The following ABI3BP variants were observed in gnomAD, a reference collection of about 807,000 sequenced individuals.
ABI3BP encodes ABI family member 3 binding protein, also known as target of Nesh-SH3.
In ABI3BP, 216 loss-of-function variants were observed where a neutral mutation model predicts 268.6. The ratio of observed to expected loss-of-function variants is 0.80; its 90% CI spans 0.72 to 0.90. ABI3BP has a LOEUF of 0.90. ABI3BP is among the 40% of genes least tolerant of loss of function. The pLI is 0.00. For missense variants in ABI3BP, 2,090 were observed against 2,182.4 expected (o/e 0.96, Z 0.84); for synonymous variants, 730 against 730.0 (o/e 1.00, Z 0.00).
intron 55 of ABI3BP, among the ~76,000 whole-genome samples, chr3:100,791,506 A>G (rs1407539435): frequency 2.0e-5 from 3 of 151,922 alleles, no homozygotes; most frequent in African/African-American, 4.8e-5. Context: ...GAAATTAAAG[A>G]GATTTGCAAA....
Position 100,750,582 on chromosome 3 carries a change from A to G in ABI3BP, c.5274T>C (p.Pro1758=). The change falls in exon 68 of 68, where the codon CCT becomes CCC. Residue 1758 remains proline (P), a synonymous_variant. Transcript: ENST00000471714. ...GACCACCTATTTCTCCAAATTGGAC[A>G]GGTTCCTGGCGAACTGCTCTGAAAT... ...EGYFRAVRQE[P]VQFGEIGGHT... is the part of the protein sequence containing the mutation. 2 of 1,613,072 alleles carry G rather than the reference A, an allele frequency of 1.2e-6. No homozygotes were observed. Among genetic ancestry groups the G allele is most frequent in the East Asian group, 2.2e-5 (1 of 44,844 alleles).
chr3:100,896,418 G>A (rs1380358389), intron 4 of ABI3BP, among the ~76,000 whole-genome samples: 2 of 152,176 alleles, frequency 1.3e-5, no homozygotes, highest in East Asian at 1.9e-4. Context: ...TTTTACAGAA[G>A]TGTCAGTAGG....
At chr3:100,968,266 G>A (rs2082124285) in intron 1 of ABI3BP, among the ~76,000 whole-genome samples, 2 of 151,960 alleles carry the variant, frequency 1.3e-5, no homozygotes, top group Admixed American at 1.3e-4. Context: ...TTTCCTAAGG[G>A]GAATAAAATG....
chr3:100,936,868 T>G (rs970073504), intron 1 of ABI3BP, among the ~76,000 whole-genome samples: 5 of 152,204 alleles, frequency 3.3e-5, no homozygotes, highest in Non-Finnish European at 5.9e-5. Context: ...TCTTCTCTCT[T>G]TTCATCTTTA....
intron 1 of ABI3BP, among the ~76,000 whole-genome samples, chr3:100,950,372 G>A (rs989190164): frequency 6.6e-6 from 1 of 152,212 alleles, no homozygotes; most frequent in Admixed American, 6.5e-5. Context: ...ACTGGAGGAT[G>A]TAGACTTGTA....
intron 1 of ABI3BP, among the ~76,000 whole-genome samples, chr3:100,963,267 A>G (rs1055647955): frequency 1.3e-5 from 2 of 152,204 alleles, no homozygotes; most frequent in African/African-American, 4.8e-5. Flanking sequence ...AGGCAAAGTT[A>G]TGATTCACAT....
intron 54 of ABI3BP, among the ~76,000 whole-genome samples, chr3:100,794,122 A>G (rs1293180204): frequency 1.3e-5 from 2 of 152,006 alleles, no homozygotes; most frequent in African/African-American, 4.8e-5. Flanking sequence ...CCCAGTGTAA[A>G]TGACCCTAAT....
intron 2 of ABI3BP, among the ~76,000 whole-genome samples, chr3:100,912,543 C>G (rs1179585020): frequency 6.6e-6 from 1 of 151,940 alleles, no homozygotes; most frequent in Non-Finnish European, 1.5e-5. Flanking sequence ...AAATCACCCA[C>G]AGAATTAAAA....
At chr3:100,802,765 G>T (rs551835860) in intron 51 of ABI3BP, among the ~76,000 whole-genome samples, 5 of 152,194 alleles carry the variant, frequency 3.3e-5, no homozygotes, top group African/African-American at 1.2e-4. Context: ...ACTCTGTCCT[G>T]ACCTCAGCAC....
chr3:100,839,441 A>G, intron 24 of ABI3BP, 128 bp downstream of exon 24: 1 of 994,558 alleles, frequency 1.0e-6, no homozygotes, highest in Non-Finnish European at 1.5e-6. Flanking sequence ...CCAGACAGGA[A>G]AGGTGAGGAA....
chr3:100,867,098 T>C (rs902102218), intron 9 of ABI3BP, 142 bp from the exon 10 acceptor site: 2 of 622,884 alleles, frequency 3.2e-6, no homozygotes, highest in African/African-American at 1.9e-5. Flanking sequence ...TGTGTATCTC[T>C]AGCAGGAACT....
At chr3:100,779,631 C>G (rs557893002) in intron 58 of ABI3BP, among the ~76,000 whole-genome samples, 1 of 151,656 alleles carries the variant, frequency 6.6e-6, no homozygotes, top group South Asian at 2.1e-4. Context: ...CTCTCTCTCT[C>G]TATGTGTTCA....
chr3:100,837,891 T>A (rs1378776313), intron 26 of ABI3BP, among the ~76,000 whole-genome samples: 2 of 152,170 alleles, frequency 1.3e-5, no homozygotes, highest in Non-Finnish European at 2.9e-5. Context: ...GTACTAACAG[T>A]GGTTACTAAA....
intron 63 of ABI3BP, among the ~76,000 whole-genome samples, chr3:100,757,376 C>G (rs752679455): frequency 1.3e-5 from 2 of 152,054 alleles, no homozygotes; most frequent in African/African-American, 2.4e-5. Flanking sequence ...GTGATAAAGA[C>G]AAGTCCTCAA....
intron 56 of ABI3BP, 109 bp downstream of exon 56, chr3:100,789,345 A>C (rs35476532): frequency 5.1e-6 from 5 of 979,456 alleles, no homozygotes; most frequent in Non-Finnish European, 7.7e-6. Context: ...GTCTCTGTAC[A>C]TCTCTTATTG....
chr3:100,763,313 A>T lies in ABI3BP; in HGVS notation c.4850+2528T>A, dbSNP rs567898297. 4.1e-4 allele frequency among the ~76,000 whole-genome samples: 63 copies of T among 152,080 alleles called. No individual in the cohort carries two copies. In the Middle Eastern group the frequency reaches 0.01, roughly 25 times the overall value. ...CCATCTCTACTAAAAATACAAAAAA[A>T]GTAGCCGGGTGTGGTGGTAGGTGCC... On this transcript the variant is annotated intron_variant, in intron 63 of 67. Coordinates refer to ENST00000471714, the MANE Select transcript of ABI3BP (RefSeq NM_001375547.2).
intron 2 of ABI3BP, among the ~76,000 whole-genome samples, chr3:100,924,714 G>A (rs2061321560): frequency 6.6e-6 from 1 of 152,018 alleles, no homozygotes; most frequent in Non-Finnish European, 1.5e-5. Context: ...AACAGTGAAA[G>A]GTTAAAATAT....
chr3:100,878,522 T>C (rs1283294060), intron 6 of ABI3BP, among the ~76,000 whole-genome samples: 1 of 152,218 alleles, frequency 6.6e-6, no homozygotes, highest in African/African-American at 2.4e-5. Flanking sequence ...ATGACGCAGA[T>C]ATAATTTAGA....
chr3:100,750,719 G>T, intron 67 of ABI3BP, 109 bp from the exon 68 acceptor site: 1 of 705,794 alleles, frequency 1.4e-6, no homozygotes, highest in Non-Finnish European at 2.3e-6. Flanking sequence ...TCTTAGTGAA[G>T]CGAGGTAATT....
Sources: gnomAD v4.1 joint callset for allele counts (sites outside exome capture counted in the v4.1 genomes callset) on GRCh38, gnomAD v4.1.1 for gene constraint, MANE v1.5 for transcripts, NCBI Gene and HGNC (gene_info 2026-07-23, HGNC 2026-07-21) for gene names.